Variants in PILRA observed in about 807,000 individuals in gnomAD.
The protein encoded by PILRA is paired immunoglobulin-like type 2 receptor alpha.
In PILRA, 37 loss-of-function variants were observed where a neutral mutation model predicts 33.1. That is an observed-to-expected ratio of 1.12 (90% CI 0.86 to 1.47). PILRA has a LOEUF of 1.47. Ranked by LOEUF, PILRA falls within the 40% of genes most tolerant of loss-of-function variation. PILRA has a pLI of 0.00. For synonymous variants in PILRA, 146 were observed against 149.9 expected, an observed-to-expected ratio of 0.97 and a Z score of 0.19; for missense variants, 312 against 376.2, an observed-to-expected ratio of 0.83 and a Z score of 1.41.
At chr7:100,385,156 T>C (rs535956509) in intron 2 of PILRA, among the ~76,000 whole-genome samples, 2 of 152,256 alleles carry the variant, frequency 1.3e-5, no homozygotes, top group East Asian at 3.9e-4. Context: ...TGTTTAGAAA[T>C]AGAAGGTTAA....
At chr7:100,394,145 G>C (rs187994364) in intron 3 of PILRA, among the ~76,000 whole-genome samples, 2 of 152,294 alleles carry the variant, frequency 1.3e-5, no homozygotes, top group East Asian at 3.9e-4. Context: ...AGAAAGACAG[G>C]AGATCACAGG....
chr7:100,376,487 T>G (rs542662397), intron 2 of PILRA: 25 of 150,778 alleles, frequency 1.7e-4, no homozygotes, highest in African/African-American at 4.4e-4. Flanking sequence ...AAAGTGTTTT[T>G]TTTTTTTTTT....
chr7:100,383,301 G>C (rs1364031124), intron 2 of PILRA, among the ~76,000 whole-genome samples: 1 of 152,168 alleles, frequency 6.6e-6, no homozygotes, highest in Non-Finnish European at 1.5e-5. Context: ...GTCAGAAGTT[G>C]TTACAGGGCA....
chr7:100,392,180 G>A (rs952239095), intron 3 of PILRA, among the ~76,000 whole-genome samples: 2 of 152,164 alleles, frequency 1.3e-5, no homozygotes, highest in African/African-American at 2.4e-5. Flanking sequence ...GTGGTGGTAC[G>A]CACCTGTAGT....
intron 4 of PILRA, among the ~76,000 whole-genome samples, chr7:100,398,995 G>A (rs1791566349): frequency 6.6e-6 from 1 of 151,686 alleles, no homozygotes; most frequent in African/African-American, 2.4e-5. Flanking sequence ...AGGCTGGAGT[G>A]CAGTGGCGCA....
chr7:100,374,487 A>G (rs1158208005), intron 2 of PILRA, 54 bp downstream of exon 2: 1 of 1,602,374 alleles, frequency 6.2e-7, no homozygotes, highest in Non-Finnish European at 8.5e-7. Context: ...GGCTTTTATG[A>G]TCACTGGTGA....
At chr7:100,390,450 T>C (rs1054259255) in intron 3 of PILRA, among the ~76,000 whole-genome samples, 1 of 152,126 alleles carries the variant, frequency 6.6e-6, no homozygotes, top group South Asian at 2.1e-4. Context: ...GGACCAGAAG[T>C]AAGCTGAGCT....
At chr7:100,394,052 TA>T (rs1435240062) in intron 3 of PILRA, among the ~76,000 whole-genome samples, 1 of 152,116 alleles carries the variant, frequency 6.6e-6, no homozygotes. Context: ...TAACTAAGAA[TA>T]ATTGAATAGA....
rs1350050431 is a variant in PILRA at position 100,390,005 on chromosome 7, A to C, written c.572A>C (p.His191Pro). Residue 191 changes from histidine (H) to proline (P), a missense_variant, in exon 3 of 7, where the codon CAC becomes CCC. By Grantham distance (77) the His-to-Pro change is moderately conservative. Transcript: ENST00000198536. The part of the protein sequence containing the change: ...TQGKRRSDSW[H>P]ISLETAVGVA... ...GGCAAACGACGCTCAGACTCTTGGC[A>C]CATAAGTCTGGAGACTGCTGTGGGG... 3.7e-6 allele frequency: 6 copies of C among 1,613,980 alleles called. No homozygotes were observed. Among genetic ancestry groups the C allele is most frequent in the African/African-American group, 2.7e-5 (2 of 74,896 alleles).
At chr7:100,383,611 TG>T (rs1287360577) in intron 2 of PILRA, among the ~76,000 whole-genome samples, 4 of 150,388 alleles carry the variant, frequency 2.7e-5, no homozygotes, top group African/African-American at 9.8e-5. Flanking sequence ...CCTGCAGGAG[TG>T]CTGAGATCTG....
At chr7:100,389,839 C>T (rs1337960424) in intron 2 of PILRA, 49 bp from the exon 3 acceptor site, 1 of 1,518,114 alleles carries the variant, frequency 6.6e-7, no homozygotes, top group Admixed American at 1.7e-5. Flanking sequence ...TTCACCCAGA[C>T]ACCCTGTGCC....
intron 2 of PILRA, among the ~76,000 whole-genome samples, chr7:100,381,108 T>C (rs1317437910): frequency 6.7e-6 from 1 of 149,046 alleles, no homozygotes; most frequent in Non-Finnish European, 1.5e-5. Flanking sequence ...CTACTAAAAA[T>C]ACAAAAAATT....
intron 3 of PILRA, among the ~76,000 whole-genome samples, chr7:100,395,639 T>G (rs1791479531): frequency 6.6e-6 from 1 of 152,164 alleles, no homozygotes. Context: ...GGCCAACTAA[T>G]CATCAGAGAA....
chr7:100,377,181 T>A (rs2130165877), intron 2 of PILRA, among the ~76,000 whole-genome samples: 1 of 152,178 alleles, frequency 6.6e-6, no homozygotes, highest in South Asian at 2.1e-4. Context: ...TACATAATTT[T>A]ACTTTTGTAA....
chr7:100,377,650 A>T (rs1185834075), intron 2 of PILRA, among the ~76,000 whole-genome samples: 1 of 152,098 alleles, frequency 6.6e-6, no homozygotes, highest in Non-Finnish European at 1.5e-5. Context: ...GGAAGCTGAG[A>T]CAGAATTGCT....
chr7:100,378,508 A>C (rs1047887663), intron 2 of PILRA, among the ~76,000 whole-genome samples: 10 of 152,230 alleles, frequency 6.6e-5, no homozygotes, highest in Admixed American at 4.6e-4. Context: ...TATGCAATTG[A>C]CAGAAACTGA....
intron 4 of PILRA, among the ~76,000 whole-genome samples, chr7:100,398,329 C>T (rs540972890): frequency 3.7e-4 from 57 of 152,222 alleles, no homozygotes; most frequent in Non-Finnish European, 7.3e-4. Flanking sequence ...CTCCAGGCTT[C>T]CTCTGCCTCC....
chr7:100,382,896 G>T (rs1349542611), intron 2 of PILRA, among the ~76,000 whole-genome samples: 1 of 152,114 alleles, frequency 6.6e-6, no homozygotes, highest in Admixed American at 6.6e-5. Flanking sequence ...AACAAACTCC[G>T]GACACGCCGC....
At chr7:100,393,975 T>A (rs1221104154) in intron 3 of PILRA, among the ~76,000 whole-genome samples, 1 of 152,148 alleles carries the variant, frequency 6.6e-6, no homozygotes, top group Admixed American at 6.5e-5. Context: ...TTGGCTAGAA[T>A]TTGGTCACAT....
Sources: allele counts gnomAD v4.1 joint callset (sites outside exome capture counted in the v4.1 genomes callset), GRCh38; gene constraint gnomAD v4.1.1; transcripts MANE v1.5; gene names NCBI Gene and HGNC (gene_info 2026-07-23, HGNC 2026-07-21).